Variants in SPATA6 observed in about 807,000 individuals in gnomAD.
SPATA6 encodes spermatogenesis-associated protein 6.
In SPATA6, 56 loss-of-function variants were observed where a neutral mutation model predicts 65.3. That is an observed-to-expected ratio of 0.86 (90% CI 0.69 to 1.07). The LOEUF (loss-of-function observed/expected upper bound fraction) is 1.07. Ranked by LOEUF, SPATA6 falls within the 50% of genes least tolerant of loss-of-function variation. The pLI is 0.00. For synonymous variants in SPATA6, 199 were observed against 213.2 expected (o/e 0.93, Z 0.58); for missense variants, 590 against 594.8 (o/e 0.99, Z 0.08).
chr1:48,453,624 C>T (rs777137653), intron 1 of SPATA6, among the ~76,000 whole-genome samples: 8 of 152,138 alleles, frequency 5.3e-5, no homozygotes, highest in Non-Finnish European at 1.0e-4. Flanking sequence ...AGTTTCAAAG[C>T]TAATAAAATG....
intron 3 of SPATA6, among the ~76,000 whole-genome samples, chr1:48,429,896 T>A (rs1654241886): frequency 6.6e-6 from 1 of 152,038 alleles, no homozygotes; most frequent in African/African-American, 2.4e-5. Flanking sequence ...GGAAGAAGAA[T>A]GAATCAGTGA....
chr1:48,432,354 G>A (rs1381546614), intron 3 of SPATA6, among the ~76,000 whole-genome samples: 1 of 151,888 alleles, frequency 6.6e-6, no homozygotes, highest in Non-Finnish European at 1.5e-5. Context: ...GCAGTAAAAA[G>A]GCAATCCAAA....
At chr1:48,302,830 T>C (rs994616975) in intron 12 of SPATA6, among the ~76,000 whole-genome samples, 2 of 152,102 alleles carry the variant, frequency 1.3e-5, no homozygotes, top group Non-Finnish European at 2.9e-5. Flanking sequence ...GGATCTTTAC[T>C]GTCTGCCCCA....
At chr1:48,305,913 T>C (rs1175279939) in intron 11 of SPATA6, 35 bp from the exon 12 acceptor site, 1 of 1,524,508 alleles carries the variant, frequency 6.6e-7, no homozygotes, top group East Asian at 2.3e-5. Context: ...TAACTCACTG[T>C]CTCATTGTCC....
chr1:48,435,736 G>A (rs6587890), intron 3 of SPATA6, among the ~76,000 whole-genome samples: 2 of 151,604 alleles, frequency 1.3e-5, no homozygotes, highest in African/African-American at 2.4e-5. Flanking sequence ...TCGCGGCCTC[G>A]CCGCCCTCCC....
intron 11 of SPATA6, among the ~76,000 whole-genome samples, chr1:48,347,889 GAAGATTGTCTC>G (rs1646414004): frequency 6.6e-6 from 1 of 151,866 alleles, no homozygotes; most frequent in African/African-American, 2.4e-5. Context: ...TCAGCTGCAG[GAAGATTGTCTC>G]AACACTCCTG....
chr1:48,339,034 G>A (rs1246974970), intron 11 of SPATA6, among the ~76,000 whole-genome samples: 2 of 152,020 alleles, frequency 1.3e-5, no homozygotes, highest in African/African-American at 4.8e-5. Context: ...CAAAACCAGA[G>A]AGCAGGGGAC....
intron 3 of SPATA6, 45 bp from the exon 4 acceptor site, chr1:48,413,196 C>CA: frequency 2.6e-6 from 3 of 1,154,960 alleles, no homozygotes; most frequent in Non-Finnish European, 3.5e-6. Context: ...AAATTAATAA[C>CA]AAAAAAATTA....
At chr1:48,287,841 T>C in the SPATA6 span, among the ~76,000 whole-genome samples, 1 of 152,234 alleles carries the variant, frequency 6.6e-6, no homozygotes, top group African/African-American at 2.4e-5. Context: ...AGTAGAATAC[T>C]GAATAGCAGC....
chr1:48,372,423 C>T (rs1647383306), intron 9 of SPATA6, among the ~76,000 whole-genome samples: 3 of 152,328 alleles, frequency 2.0e-5, no homozygotes, highest in African/African-American at 7.2e-5. Flanking sequence ...CACACTGATG[C>T]AAGATGTGGG....
At chr1:48,376,271 T>A (rs1400772950) in intron 9 of SPATA6, among the ~76,000 whole-genome samples, 1 of 152,132 alleles carries the variant, frequency 6.6e-6, no homozygotes, top group African/African-American at 2.4e-5. Flanking sequence ...TAAGCACTGG[T>A]CTGTTGATTT....
intron 8 of SPATA6, among the ~76,000 whole-genome samples, chr1:48,392,752 T>C (rs898609321): frequency 1.1e-4 from 16 of 152,068 alleles, no homozygotes; most frequent in African/African-American, 3.6e-4. Context: ...GCAAGATAAT[T>C]TGGCAAGAAA....
At chr1:48,291,698 A>G (rs1223862283), downstream of SPATA6, among the ~76,000 whole-genome samples, 1 of 152,198 alleles carries the variant, frequency 6.6e-6, no homozygotes, top group East Asian at 1.9e-4. Flanking sequence ...AAGCGGACTC[A>G]CAGTTCCTTG....
intron 9 of SPATA6, among the ~76,000 whole-genome samples, chr1:48,360,769 T>A (rs1646789459): frequency 6.6e-6 from 1 of 152,174 alleles, no homozygotes; most frequent in African/African-American, 2.4e-5. Context: ...TAGGAACCTA[T>A]TATAATAAAA....
the SPATA6 span, among the ~76,000 whole-genome samples, chr1:48,270,249 T>C: frequency 2.0e-5 from 3 of 152,136 alleles, no homozygotes; most frequent in African/African-American, 2.4e-5. Context: ...GTGCCTTTCA[T>C]ACACTTCCGC....
In SPATA6 at chr1:48,366,581, G is replaced by A. The variant is rs545292354; in HGVS notation, c.910-6811C>T. On this transcript the variant is annotated intron_variant, in intron 9 of 12. Transcript: ENST00000371847. ...CTTCTAGATTTTCTAGTTTATTTGC[G>A]TAGAGGTGTTTGTAGTATTCTCTGA... Among the ~76,000 whole-genome samples the A allele has an allele frequency of 1.1e-3, 174 of 152,208 alleles. 1 individual carries two copies. The highest frequency in any genetic ancestry group is 3.8e-3 in the African/African-American group (159 of 41,522).
At chr1:48,315,316 A>C (rs1395151804) in intron 11 of SPATA6, among the ~76,000 whole-genome samples, 4 of 152,244 alleles carry the variant, frequency 2.6e-5, no homozygotes, top group Non-Finnish European at 5.9e-5. Flanking sequence ...AACTGAATCC[A>C]GCAACACATC....
intron 11 of SPATA6, among the ~76,000 whole-genome samples, chr1:48,314,991 G>C (rs538097503): frequency 1.3e-5 from 2 of 152,106 alleles, no homozygotes; most frequent in Admixed American, 1.3e-4. Flanking sequence ...GACTAAACCA[G>C]GAAGAAGCTG....
At chr1:48,386,423 T>C (rs192527493) in intron 8 of SPATA6, among the ~76,000 whole-genome samples, 13 of 152,190 alleles carry the variant, frequency 8.5e-5, no homozygotes, top group African/African-American at 1.4e-4. Flanking sequence ...AGCTTCAAGA[T>C]AGTTGACTAG....
Sources: gnomAD v4.1 joint callset for allele counts (sites outside exome capture counted in the v4.1 genomes callset) on GRCh38, gnomAD v4.1.1 for gene constraint, MANE v1.5 for transcripts, NCBI Gene and HGNC (gene_info 2026-07-23, HGNC 2026-07-21) for gene names.